Variants in WWOX observed in about 807,000 individuals in gnomAD.
WWOX encodes the protein WW domain containing oxidoreductase, also known as WW domain-containing oxidoreductase.
WWOX carries 69 observed loss-of-function variants against 46.2 expected under a neutral mutation model. The observed-to-expected ratio is 1.49, with a 90% CI of 1.23 to 1.82. The LOEUF (loss-of-function observed/expected upper bound fraction) is 1.82. WWOX is among the 40% of genes most tolerant of loss of function. WWOX has a pLI of 0.00. For synonymous variants in WWOX, 359 were observed against 202.6 expected, an observed-to-expected ratio of 1.77 and a Z score of -6.56; for missense variants, 919 against 542.6, an observed-to-expected ratio of 1.69 and a Z score of -6.89.
At chr16:79,143,066 G>A (rs983250347) in intron 8 of WWOX, among the ~76,000 whole-genome samples, 3 of 152,002 alleles carry the variant, frequency 2.0e-5, no homozygotes, top group African/African-American at 7.2e-5. Flanking sequence ...GAAAGAGAAC[G>A]CTCATAGAAG....
intron 8 of WWOX, among the ~76,000 whole-genome samples, chr16:78,439,116 T>C (rs72797992): frequency 0.12 from 17,978 of 152,192 alleles, 1,333 homozygotes; most frequent in East Asian, 0.2. Flanking sequence ...TTTGAATGTG[T>C]ATTGGTACAT....
At chr16:79,112,950 A>C (rs781257043) in intron 8 of WWOX, among the ~76,000 whole-genome samples, 2 of 152,194 alleles carry the variant, frequency 1.3e-5, no homozygotes, top group African/African-American at 4.8e-5. Context: ...CTCTGCTGGC[A>C]TAGATGGCTG....
At chr16:78,493,127 G>C (rs1452247454) in intron 8 of WWOX, among the ~76,000 whole-genome samples, 1 of 152,148 alleles carries the variant, frequency 6.6e-6, no homozygotes, top group Non-Finnish European at 1.5e-5. Flanking sequence ...ACTGCTGTTG[G>C]AGCCTGGACT....
At chr16:79,011,587 G>T (rs549599559) in intron 8 of WWOX, among the ~76,000 whole-genome samples, 139 of 151,490 alleles carry the variant, frequency 9.2e-4, no homozygotes, top group Middle Eastern at 3.4e-3. Flanking sequence ...AGCCTCCCTG[G>T]GCTCAGTCGA....
chr16:78,599,135 G>T (rs533795799), intron 8 of WWOX, among the ~76,000 whole-genome samples: 2 of 152,156 alleles, frequency 1.3e-5, no homozygotes, highest in African/African-American at 4.8e-5. Context: ...AACTCCAGGG[G>T]TTGCTGATGG....
intron 8 of WWOX, among the ~76,000 whole-genome samples, chr16:78,886,561 T>G (rs1293088397): frequency 6.6e-6 from 1 of 151,268 alleles, no homozygotes; most frequent in Non-Finnish European, 1.5e-5. Flanking sequence ...ATCTAAACTG[T>G]TTTAAGACAC....
At chr16:78,375,362 T>C (rs1343853337) in intron 5 of WWOX, among the ~76,000 whole-genome samples, 5 of 152,230 alleles carry the variant, frequency 3.3e-5, no homozygotes, top group African/African-American at 1.2e-4. Flanking sequence ...TGGTAAGTTG[T>C]TGCTGCCACT....
intron 8 of WWOX, among the ~76,000 whole-genome samples, chr16:78,603,910 C>A (rs935015394): frequency 6.6e-6 from 1 of 151,816 alleles, no homozygotes; most frequent in African/African-American, 2.4e-5. Flanking sequence ...AGGAGGCTGA[C>A]GTGGGAGGAT....
intron 8 of WWOX, among the ~76,000 whole-genome samples, chr16:78,738,832 G>C (rs1378468684): frequency 6.6e-6 from 1 of 152,146 alleles, no homozygotes; most frequent in African/African-American, 2.4e-5. Context: ...CTAATATTAA[G>C]AGGTAGGAGG....
rs536533690 is a variant in WWOX at position 78,999,402 on chromosome 16, G to A, written c.1057-212206G>A. Among the ~76,000 whole-genome samples, 79 of 152,228 alleles carry A rather than the reference G, an allele frequency of 5.2e-4. No individual in the cohort carries two copies. In the South Asian group the frequency reaches 0.011, roughly 20 times the overall value. On this transcript the variant is annotated intron_variant, in intron 8 of 8. Coordinates refer to ENST00000566780, the MANE Select transcript of WWOX (RefSeq NM_016373.4). ...GGAGAATCGCTTCAACCCAGAAGGCGGAAGTTGCGGTGAGCCGAGATTGCA... is the reference window on the plus strand; with the variant it reads ...GGAGAATCGCTTCAACCCAGAAGGCAGAAGTTGCGGTGAGCCGAGATTGCA...
At chr16:79,200,437 C>G (rs1446919741) in intron 8 of WWOX, among the ~76,000 whole-genome samples, 2 of 152,136 alleles carry the variant, frequency 1.3e-5, no homozygotes, top group African/African-American at 4.8e-5. Flanking sequence ...GAACCCAGAC[C>G]TCAGTTTGAA....
intron 8 of WWOX, among the ~76,000 whole-genome samples, chr16:78,569,979 C>A (rs1321231258): frequency 6.6e-6 from 1 of 152,180 alleles, no homozygotes; most frequent in Non-Finnish European, 1.5e-5. Flanking sequence ...TGGTTTCCAT[C>A]CTGAAGAGCT....
chr16:79,121,966 G>A (rs577482333), intron 8 of WWOX, among the ~76,000 whole-genome samples: 1 of 152,148 alleles, frequency 6.6e-6, no homozygotes, highest in East Asian at 1.9e-4. Flanking sequence ...TACGTGCTAC[G>A]GATTTAATAT....
chr16:78,813,890 C>G (rs903542669), intron 8 of WWOX, among the ~76,000 whole-genome samples: 1 of 152,132 alleles, frequency 6.6e-6, no homozygotes, highest in Non-Finnish European at 1.5e-5. Context: ...CTTGCCTGAG[C>G]AAGCCATTAA....
intron 8 of WWOX, among the ~76,000 whole-genome samples, chr16:79,075,430 G>C (rs896483426): frequency 6.6e-6 from 1 of 152,000 alleles, no homozygotes; most frequent in African/African-American, 2.4e-5. Context: ...CTATACCTAA[G>C]TTTTTATTTA....
At chr16:79,157,401 T>C (rs1442240532) in intron 8 of WWOX, among the ~76,000 whole-genome samples, 1 of 151,044 alleles carries the variant, frequency 6.6e-6, no homozygotes, top group Non-Finnish European at 1.5e-5. Context: ...TGTGTCTCAG[T>C]TTTTTCATTT....
At chr16:78,487,881 T>C (rs1261469352) in intron 8 of WWOX, among the ~76,000 whole-genome samples, 2 of 152,124 alleles carry the variant, frequency 1.3e-5, no homozygotes, top group African/African-American at 4.8e-5. Context: ...TAAGGCAACC[T>C]TATGTCACCA....
At chr16:78,945,997 C>T (rs996754457) in intron 8 of WWOX, among the ~76,000 whole-genome samples, 5 of 152,080 alleles carry the variant, frequency 3.3e-5, no homozygotes, top group Non-Finnish European at 7.4e-5. Context: ...ACAGGCTTGC[C>T]GGGCAACCCA....
chr16:78,702,180 C>T (rs995410409), intron 8 of WWOX, among the ~76,000 whole-genome samples: 5 of 144,602 alleles, frequency 3.5e-5, no homozygotes, highest in African/African-American at 1.1e-4. Context: ...CTCCGGAGGC[C>T]GAGGCAGGAG....
Sources: gnomAD v4.1 joint callset for allele counts (sites outside exome capture counted in the v4.1 genomes callset) on GRCh38, gnomAD v4.1.1 for gene constraint, MANE v1.5 for transcripts, NCBI Gene and HGNC (gene_info 2026-07-23, HGNC 2026-07-21) for gene names.